ATP10B: variants seen among roughly 807,000 people sequenced by gnomAD.
ATP10B encodes the protein ATPase phospholipid transporting 10B (putative), also known as phospholipid-transporting ATPase VB.
A neutral mutation model predicts 141.2 loss-of-function variants in ATP10B; 122 were observed. That is an observed-to-expected ratio of 0.86 (90% CI 0.75 to 1.00). The LOEUF (loss-of-function observed/expected upper bound fraction) is 1.00, where lower values mean the gene tolerates loss of function less well. Ranked by LOEUF, ATP10B falls within the 50% of genes least tolerant of loss-of-function variation. The pLI, the probability that ATP10B is intolerant of heterozygous loss-of-function variation, is 0.00. For missense variants in ATP10B, 1,876 were observed against 1,825.3 expected (o/e 1.03, Z -0.51); for synonymous variants, 685 against 692.0 (o/e 0.99, Z 0.16).
chr5:160,840,051 G>A (rs1187495849), intron 1 of ATP10B, among the ~76,000 whole-genome samples: 1 of 151,998 alleles, frequency 6.6e-6, no homozygotes, highest in East Asian at 1.9e-4. Context: ...AAATGTATAT[G>A]AAGAAACTAT....
chr5:160,769,895 A>G lies in ATP10B; in HGVS notation c.-331+15664T>C, dbSNP rs533285522. ...CATGCCCTAATGATAAACAAGTCGT[A>G]CAGTTCATGATTTTGCCCGAAGGGG... On this transcript the variant is annotated intron_variant, in intron 2 of 25. Coordinates refer to ENST00000327245, the MANE Select transcript of ATP10B (RefSeq NM_025153.3). 3.9e-4 allele frequency among the ~76,000 whole-genome samples: 59 copies of G among 152,306 alleles called. 1 individual carries two copies. In the South Asian group the frequency reaches 0.012, roughly 30 times the overall value.
chr5:160,912,467 T>C, the ATP10B span, among the ~76,000 whole-genome samples: 1 of 144,222 alleles, frequency 6.9e-6, no homozygotes, highest in Non-Finnish European at 1.5e-5. Flanking sequence ...GGCATGGTGG[T>C]GCACACCTGT....
chr5:160,573,308 C>A (rs1276317432), intron 24 of ATP10B, among the ~76,000 whole-genome samples: 1 of 152,216 alleles, frequency 6.6e-6, no homozygotes, highest in African/African-American at 2.4e-5. Context: ...AGCTGCTGCA[C>A]TGATCTTGGG....
the ATP10B span, among the ~76,000 whole-genome samples, chr5:160,868,392 A>T: frequency 6.6e-6 from 1 of 152,138 alleles, no homozygotes; most frequent in African/African-American, 2.4e-5. Flanking sequence ...AGCTTTAGGC[A>T]GTTTATGCCA....
At chr5:160,837,637 C>CTT (rs1184744041) in intron 1 of ATP10B, among the ~76,000 whole-genome samples, 2 of 137,838 alleles carry the variant, frequency 1.5e-5, no homozygotes, top group Non-Finnish European at 3.2e-5. Flanking sequence ...GTAGTTCTCT[C>CTT]TGAAGTTAAT....
At chr5:160,699,223 G>A (rs1049618729) in intron 3 of ATP10B, among the ~76,000 whole-genome samples, 1 of 152,210 alleles carries the variant, frequency 6.6e-6, no homozygotes, top group African/African-American at 2.4e-5. Context: ...CAGGTAAAAT[G>A]AGATGCATAA....
In ATP10B at chr5:160,717,090, C is replaced by T. The variant is rs141368264; in HGVS notation, c.-330-56G>A. 1.3e-5 allele frequency: 12 copies of T among 958,384 alleles called. No homozygotes were observed. The Admixed American group carries it at 6.8e-4, about 54-fold the overall frequency. The allele number at this position is 958,384 out of a possible 1,614,324, so 59.4% of individuals were successfully genotyped here. ...GCAACTAACAGTTCAGTTATAAATGCTATTTATATAAGGTTTAAAACAATG... is the reference window on the plus strand; with the variant it reads ...GCAACTAACAGTTCAGTTATAAATGTTATTTATATAAGGTTTAAAACAATG... On this transcript the variant is annotated intron_variant, in intron 2 of 25. Coordinates refer to ENST00000327245, the MANE Select transcript of ATP10B (RefSeq NM_025153.3).
In ATP10B at chr5:160,603,995, T is replaced by A; in HGVS notation, c.3207A>T (p.Gly1069=). Residue 1069 remains glycine (G), a synonymous_variant, in exon 20 of 26, where the codon GGA becomes GGT. Transcript: ENST00000327245. Reference sequence around the variant, plus strand: ...TGCCTTCCTGTCCAGATATTCCAATTCCAATATCAGCAGCTTGAATCATGC... The same window carrying A: ...TGCCTTCCTGTCCAGATATTCCAATACCAATATCAGCAGCTTGAATCATGC... ...DVSMIQAADI[G]IGISGQEGMQ... 1 of 1,613,870 alleles carries A rather than the reference T, an allele frequency of 6.2e-7. No individual in the cohort carries two copies. Among genetic ancestry groups the A allele is most frequent in the Non-Finnish European group, 8.5e-7 (1 of 1,179,914 alleles).
chr5:160,612,579 G>C (rs1023526296), intron 18 of ATP10B, 162 bp downstream of exon 18: 1 of 544,902 alleles, frequency 1.8e-6, no homozygotes, highest in African/African-American at 1.9e-5. Context: ...TATTGGGCTG[G>C]ATGACTTCCA....
At chr5:160,748,827 G>A (rs1767971732) in intron 2 of ATP10B, among the ~76,000 whole-genome samples, 2 of 152,324 alleles carry the variant, frequency 1.3e-5, no homozygotes, top group Middle Eastern at 3.4e-3. Flanking sequence ...AGCATCTGGG[G>A]AGAGCATAAC....
At chr5:160,661,547 G>T (rs1222433290) in intron 7 of ATP10B, among the ~76,000 whole-genome samples, 2 of 152,140 alleles carry the variant, frequency 1.3e-5, no homozygotes, top group African/African-American at 4.8e-5. Flanking sequence ...AGAGTAGAGG[G>T]TGGGGAGACA....
intron 2 of ATP10B, among the ~76,000 whole-genome samples, chr5:160,725,635 C>G (rs1372733196): frequency 6.6e-6 from 1 of 152,038 alleles, no homozygotes; most frequent in Non-Finnish European, 1.5e-5. Flanking sequence ...TTAGTAGAGA[C>G]GGGGTTTCAC....
chr5:160,815,256 G>A (rs1373698667), intron 1 of ATP10B, among the ~76,000 whole-genome samples: 1 of 152,110 alleles, frequency 6.6e-6, no homozygotes, highest in Non-Finnish European at 1.5e-5. Context: ...CATGTGCAGA[G>A]ACACACATAG....
upstream of ATP10B, among the ~76,000 whole-genome samples, chr5:160,853,685 GA>G (rs1753913535): frequency 6.6e-6 from 1 of 152,022 alleles, no homozygotes; most frequent in Non-Finnish European, 1.5e-5. Flanking sequence ...AAACTGCCTG[GA>G]AATCGTAAAT....
the ATP10B span, among the ~76,000 whole-genome samples, chr5:160,911,270 G>A: frequency 6.6e-6 from 1 of 152,162 alleles, no homozygotes; most frequent in Non-Finnish European, 1.5e-5. Context: ...GCTATACGTT[G>A]GACATTCTTG....
At chr5:160,749,554 A>G (rs1388167515) in intron 2 of ATP10B, among the ~76,000 whole-genome samples, 34 of 152,236 alleles carry the variant, frequency 2.2e-4, no homozygotes, top group African/African-American at 7.7e-4. Context: ...TGTCACTATC[A>G]TCCCTCCAAT....
At chr5:160,620,316 G>A (rs1758253006) in intron 15 of ATP10B, 31 bp downstream of exon 15, 4 of 1,574,518 alleles carry the variant, frequency 2.5e-6, no homozygotes, top group South Asian at 1.2e-5. Context: ...AGAACTCTCT[G>A]TGCCTGGAAC....
At position 160,591,154 on chromosome 5, in the gene ATP10B, C is replaced by T. The variant is rs756877232; in HGVS notation, c.3565-15G>A. On this transcript the variant is annotated splice_polypyrimidine_tract_variant and intron_variant, in intron 22 of 25. Coordinates refer to ENST00000327245, the MANE Select transcript of ATP10B (RefSeq NM_025153.3). ...AGGTTATAGCACTGCCAGGAGAGAA[C>T]ACACCAATAATTATCACCCTTATAG... The T allele has an allele frequency of 5.5e-5, 89 of 1,607,594 alleles. No homozygotes were observed. The highest frequency in any genetic ancestry group is 7.4e-5 in the Non-Finnish European group (87 of 1,176,814).
At chr5:160,850,818 C>G (rs187870137) in intron 1 of ATP10B, among the ~76,000 whole-genome samples, 95 of 152,174 alleles carry the variant, frequency 6.2e-4, no homozygotes, top group African/African-American at 2.0e-3. Context: ...GATCCTGAAC[C>G]CTTAAATCCA....
Sources: gnomAD v4.1 joint callset for allele counts (sites outside exome capture counted in the v4.1 genomes callset) on GRCh38, gnomAD v4.1.1 for gene constraint, MANE v1.5 for transcripts, NCBI Gene and HGNC (gene_info 2026-07-23, HGNC 2026-07-21) for gene names.